Variants in EFNA5 observed in about 807,000 individuals in gnomAD.
EFNA5 encodes the protein ephrin A5.
EFNA5 carries 5 observed loss-of-function variants against 22.9 expected under a neutral mutation model. The observed-to-expected ratio is 0.22, with a 90% CI of 0.11 to 0.46. The LOEUF (loss-of-function observed/expected upper bound fraction) is 0.46, where lower values mean the gene tolerates loss of function less well. EFNA5 is among the 20% of genes least tolerant of loss of function. The probability of loss-of-function intolerance (pLI) is 0.99; values close to 1 mark genes in which losing one functional copy is unlikely to be tolerated. For synonymous variants in EFNA5, 113 were observed against 112.2 expected (o/e 1.01, Z -0.04); for missense variants, 237 against 293.3 (o/e 0.81, Z 1.40).
intron 1 of EFNA5, among the ~76,000 whole-genome samples, chr5:107,482,806 CTCTCTCTGTCTCTCTCTCTGTCTCTG>C (rs1198750499): frequency 1.0e-5 from 1 of 98,020 alleles, no homozygotes; most frequent in African/African-American, 4.5e-5. Context: ...CTCTCTCTCT[CTCTCTCTGTCTCTCTCTCTGTCTCTG>C]TCTCTCTCTC....
chr5:107,467,514 A>T (rs548552391), intron 1 of EFNA5, among the ~76,000 whole-genome samples: 66 of 152,306 alleles, frequency 4.3e-4, no homozygotes, highest in African/African-American at 1.5e-3. Context: ...TTCCATGAAA[A>T]AAATTAGGTA....
At chr5:107,502,640 G>A (rs984772785) in intron 1 of EFNA5, among the ~76,000 whole-genome samples, 1 of 152,168 alleles carries the variant, frequency 6.6e-6, no homozygotes, top group African/African-American at 2.4e-5. Flanking sequence ...ACGTGCAAAG[G>A]AGAACGTGGC....
intron 1 of EFNA5, among the ~76,000 whole-genome samples, chr5:107,612,541 C>A (rs933036452): frequency 7.2e-5 from 11 of 151,920 alleles, no homozygotes; most frequent in African/African-American, 2.7e-4. Flanking sequence ...AAAATATCTA[C>A]CTTGATTAGA....
At chr5:107,631,552 T>C (rs1162119714) in intron 1 of EFNA5, among the ~76,000 whole-genome samples, 2 of 152,116 alleles carry the variant, frequency 1.3e-5, no homozygotes, top group African/African-American at 4.8e-5. Context: ...AGAACAACTC[T>C]TCCCATAAAA....
chr5:107,650,976 T>TCA (rs1350095765), intron 1 of EFNA5, among the ~76,000 whole-genome samples: 1 of 152,224 alleles, frequency 6.6e-6, no homozygotes, highest in African/African-American at 2.4e-5. Context: ...GCTTGCTACC[T>TCA]CAGTCCATTA....
At chr5:107,551,719 A>G (rs1748301677) in intron 1 of EFNA5, among the ~76,000 whole-genome samples, 1 of 152,014 alleles carries the variant, frequency 6.6e-6, no homozygotes, top group African/African-American at 2.4e-5. Flanking sequence ...CACCTATTTT[A>G]CCCCTCTTTG....
At chr5:107,415,230 A>G (rs543249267) in intron 2 of EFNA5, among the ~76,000 whole-genome samples, 1 of 152,272 alleles carries the variant, frequency 6.6e-6, no homozygotes, top group East Asian at 1.9e-4. Context: ...CATGCTAGCT[A>G]TTAATATATA....
intron 1 of EFNA5, among the ~76,000 whole-genome samples, chr5:107,618,705 T>G (rs1013879551): frequency 6.6e-6 from 1 of 152,226 alleles, no homozygotes; most frequent in African/African-American, 2.4e-5. Flanking sequence ...AGAGGAAATC[T>G]ATGACATGCC....
intron 1 of EFNA5, among the ~76,000 whole-genome samples, chr5:107,613,297 A>G (rs1187983606): frequency 2.6e-5 from 4 of 152,254 alleles, no homozygotes; most frequent in African/African-American, 9.6e-5. Context: ...GTATTTTTTA[A>G]TATCATCTAA....
intron 1 of EFNA5, among the ~76,000 whole-genome samples, chr5:107,493,584 G>T (rs1260632825): frequency 6.6e-6 from 1 of 152,190 alleles, no homozygotes; most frequent in Middle Eastern, 3.2e-3. Flanking sequence ...CTGGAAAACC[G>T]AAGTCTTACA....
intron 1 of EFNA5, among the ~76,000 whole-genome samples, chr5:107,481,660 C>T (rs1750465086): frequency 6.6e-6 from 1 of 151,268 alleles, no homozygotes; most frequent in Non-Finnish European, 1.5e-5. Context: ...ACCAGCCTGG[C>T]CAACATGGTG....
At chr5:107,613,074 A>T (rs912058470) in intron 1 of EFNA5, among the ~76,000 whole-genome samples, 1 of 152,124 alleles carries the variant, frequency 6.6e-6, no homozygotes, top group Non-Finnish European at 1.5e-5. Flanking sequence ...AAACTCTATA[A>T]ATTTAACAAT....
chr5:107,559,511 T>C (rs1270166385), intron 1 of EFNA5, among the ~76,000 whole-genome samples: 1 of 152,170 alleles, frequency 6.6e-6, no homozygotes, highest in Non-Finnish European at 1.5e-5. Flanking sequence ...CTCTCATAAT[T>C]TTTCTTCTCC....
In EFNA5 at chr5:107,525,202, A is replaced by G. The variant is rs1181905115; in HGVS notation, c.126-97693T>C. On this transcript the variant is annotated intron_variant, in intron 1 of 4. Transcript: ENST00000333274. ...TTTCAAGGATTATGAGATAAAAGAG[A>G]TTGTAAGATTAGTGGGTTAATGACT... Among the ~76,000 whole-genome samples, 3 of 152,152 alleles carry G rather than the reference A, an allele frequency of 2.0e-5. No individual in the cohort carries two copies. The East Asian group carries it at 5.8e-4, about 29-fold the overall frequency.
intron 1 of EFNA5, among the ~76,000 whole-genome samples, chr5:107,594,105 T>C (rs563203274): frequency 6.6e-6 from 1 of 152,326 alleles, no homozygotes; most frequent in South Asian, 2.1e-4. Flanking sequence ...TTTCAAATAA[T>C]ACTGTAACCT....
intron 1 of EFNA5, among the ~76,000 whole-genome samples, chr5:107,546,339 C>A (rs777630444): frequency 9.9e-5 from 15 of 152,152 alleles, no homozygotes; most frequent in Admixed American, 3.9e-4. Flanking sequence ...ACCTCAGAAT[C>A]CATAAGCAGA....
chr5:107,435,362 C>T (rs1425480784), intron 1 of EFNA5, among the ~76,000 whole-genome samples: 2 of 127,078 alleles, frequency 1.6e-5, no homozygotes, highest in Admixed American at 9.5e-5. Flanking sequence ...GTTAAAGCAT[C>T]GAATACAAAC....
At chr5:107,636,437 T>A (rs1750375015) in intron 1 of EFNA5, among the ~76,000 whole-genome samples, 1 of 152,228 alleles carries the variant, frequency 6.6e-6, no homozygotes, top group South Asian at 2.1e-4. Flanking sequence ...ACATCCTTTA[T>A]AGATTAATAA....
At chr5:107,493,803 C>T (rs753748793) in intron 1 of EFNA5, among the ~76,000 whole-genome samples, 7 of 152,244 alleles carry the variant, frequency 4.6e-5, no homozygotes, top group Admixed American at 2.6e-4. Context: ...ATGTATTGAA[C>T]ATTGGCACAG....
Sources: gnomAD v4.1 joint callset for allele counts (sites outside exome capture counted in the v4.1 genomes callset) on GRCh38, gnomAD v4.1.1 for gene constraint, MANE v1.5 for transcripts, NCBI Gene and HGNC (gene_info 2026-07-23, HGNC 2026-07-21) for gene names.